The following NECTIN3 variants were observed in gnomAD, a reference collection of about 807,000 sequenced individuals.
NECTIN3 encodes the protein nectin cell adhesion molecule 3, also known as nectin-3.
A neutral mutation model predicts 49.4 loss-of-function variants in NECTIN3; 8 were observed. That is an observed-to-expected ratio of 0.16 (90% CI 0.10 to 0.29). NECTIN3 has a LOEUF of 0.29. Among genes scored for constraint, NECTIN3 ranks in the 10% least tolerant of loss-of-function variants. The pLI, the probability that NECTIN3 is intolerant of heterozygous loss-of-function variation, is 1.00. For synonymous variants in NECTIN3, 277 were observed against 241.1 expected, an observed-to-expected ratio of 1.15 and a Z score of -1.38; for missense variants, 581 against 654.6, an observed-to-expected ratio of 0.89 and a Z score of 1.23.
chr3:111,084,986 G>T (rs941338604), intron 1 of NECTIN3, among the ~76,000 whole-genome samples: 15 of 152,166 alleles, frequency 9.9e-5, no homozygotes, highest in Admixed American at 3.9e-4. Flanking sequence ...ACTCTGGATA[G>T]AATCCTTCCT....
At position 111,098,300 on chromosome 3, in the gene NECTIN3, A is replaced by G. The variant is rs142663350; in HGVS notation, c.161-13730A>G. Among the ~76,000 whole-genome samples the G allele has an allele frequency of 2.0e-3, 308 of 152,322 alleles. 1 individual carries two copies. The highest frequency in any genetic ancestry group is 7.1e-3 in the African/African-American group (297 of 41,570). On this transcript the variant is annotated intron_variant, in intron 1 of 5. Transcript: ENST00000485303. Reference sequence around the variant, plus strand: ...CTTATATTAGTTTCCTAGGGCTTCTATAACACATTATCATAAACTAGTGAC... The same window carrying G: ...CTTATATTAGTTTCCTAGGGCTTCTGTAACACATTATCATAAACTAGTGAC...
Position 111,072,155 on chromosome 3 carries a change from G to T in NECTIN3, c.138G>T (p.Leu46=). 6.4e-7 allele frequency: 1 copy of T among 1,553,760 alleles called. No homozygotes were observed. Residue 46 remains leucine, a synonymous_variant, in exon 1 of 6, where the codon CTG becomes CTT. Transcript: ENST00000485303. ...PPPLLLLLFP[L]LLFSRLCGAL... ...CGCTGCTGCTGCTGCTCTTCCCGCT[G>T]CTGCTCTTCTCCAGGCTCTGTGGTA...
intron 7 of NECTIN3, among the ~76,000 whole-genome samples, chr3:111,172,381 T>C (rs542202004): frequency 6.6e-5 from 10 of 152,274 alleles, no homozygotes; most frequent in African/African-American, 2.2e-4. Context: ...GTTTAGATCT[T>C]GGATGAGGAA....
intron 1 of NECTIN3, among the ~76,000 whole-genome samples, chr3:111,104,822 T>C (rs907354848): frequency 6.6e-6 from 1 of 152,194 alleles, no homozygotes; most frequent in Non-Finnish European, 1.5e-5. Flanking sequence ...TAATGACATA[T>C]GTAAGAAATA....
At chr3:111,164,078 G>C (rs895334143) in intron 7 of NECTIN3, among the ~76,000 whole-genome samples, 1 of 151,758 alleles carries the variant, frequency 6.6e-6, no homozygotes, top group Non-Finnish European at 1.5e-5. Flanking sequence ...CGAAGTATTT[G>C]TATTTCATAA....
At chr3:111,119,059 AT>A in intron 3 of NECTIN3, 107 bp downstream of exon 3, 1 of 1,065,404 alleles carries the variant, frequency 9.4e-7, no homozygotes, top group Non-Finnish European at 1.3e-6. Context: ...TTTTCTTTTA[AT>A]TTTGTTTGTT....
intron 7 of NECTIN3, among the ~76,000 whole-genome samples, chr3:111,178,856 A>G (rs987738989): frequency 2.0e-5 from 3 of 152,210 alleles, no homozygotes; most frequent in Non-Finnish European, 2.9e-5. Context: ...TTAGCTCTAC[A>G]TACTTGGAAC....
At chr3:111,166,329 C>A (rs1402618289) in intron 7 of NECTIN3, among the ~76,000 whole-genome samples, 1 of 151,928 alleles carries the variant, frequency 6.6e-6, no homozygotes, top group Non-Finnish European at 1.5e-5. Flanking sequence ...AAGAGGGGAA[C>A]AACATACCAG....
At chr3:111,091,158 A>G (rs1327172535) in intron 1 of NECTIN3, among the ~76,000 whole-genome samples, 1 of 152,198 alleles carries the variant, frequency 6.6e-6, no homozygotes, top group African/African-American at 2.4e-5. Context: ...CTAACACTAT[A>G]CAACACTAAT....
chr3:111,136,284 T>G lies in NECTIN3; in HGVS notation c.*2069T>G, dbSNP rs1258271930. The G allele has an allele frequency of 1.7e-5, 17 of 971,566 alleles. No individual in the cohort carries two copies. Among genetic ancestry groups the G allele is most frequent in the Non-Finnish European group, 2.1e-5 (17 of 817,562 alleles). The allele number at this position is 971,566 out of a possible 1,614,324, so 60.2% of individuals were successfully genotyped here. A position where few individuals can be genotyped will look rare whatever the true frequency, so the allele number is the denominator to read the frequency against. ...GAAATTAGCAGTGTATTTTAAGAAA[T>G]ATATTTCAAAAATATAAATACTGAT... is the stretch of plus-strand genomic sequence containing the variant. On this transcript the variant is annotated 3_prime_UTR_variant, in exon 6 of 6. Transcript: ENST00000485303.
chr3:111,167,798 C>T lies in NECTIN3; in HGVS notation c.1221+20314C>T, dbSNP rs548165751. On this transcript the variant is annotated intron_variant, in intron 7 of 8. Transcript: ENST00000493615. ...CAGAGAGGCCACAGACATCAGTGTACGTAACTTGTCATTGGGAAAAATCCC... is the reference window on the plus strand; with the variant it reads ...CAGAGAGGCCACAGACATCAGTGTATGTAACTTGTCATTGGGAAAAATCCC... Among the ~76,000 whole-genome samples, 5 of 152,174 alleles carry T rather than the reference C, an allele frequency of 3.3e-5. No individual in the cohort carries two copies. In the East Asian group the frequency reaches 5.8e-4, roughly 18 times the overall value.
chr3:111,164,642 T>C (rs1270033708), intron 7 of NECTIN3, among the ~76,000 whole-genome samples: 2 of 152,230 alleles, frequency 1.3e-5, no homozygotes, highest in Non-Finnish European at 1.5e-5. Flanking sequence ...CTTCCGTTGG[T>C]TGCTGGGAAT....
At chr3:111,126,408 A>G (rs937260976) in intron 5 of NECTIN3, 73 bp downstream of exon 5, 1 of 1,278,966 alleles carries the variant, frequency 7.8e-7, no homozygotes, top group Admixed American at 2.3e-5. Context: ...ATATGATCCT[A>G]AGCAATAATT....
intron 1 of NECTIN3, among the ~76,000 whole-genome samples, chr3:111,083,550 G>T (rs1275022463): frequency 6.6e-6 from 1 of 152,192 alleles, no homozygotes; most frequent in East Asian, 1.9e-4. Flanking sequence ...ACCTGATAAT[G>T]CTGGCACCCT....
intron 7 of NECTIN3, among the ~76,000 whole-genome samples, chr3:111,181,857 G>C (rs576189837): frequency 6.6e-6 from 1 of 151,802 alleles, no homozygotes; most frequent in African/African-American, 2.4e-5. Flanking sequence ...TTGTGTGTTT[G>C]TTTTGCTTGT....
chr3:111,167,389 T>G (rs535000900), intron 7 of NECTIN3, among the ~76,000 whole-genome samples: 3 of 152,314 alleles, frequency 2.0e-5, no homozygotes, highest in African/African-American at 7.2e-5. Flanking sequence ...ACATGCAATT[T>G]ATTCTAATAT....
At chr3:111,120,025 A>G (rs1005165951) in intron 3 of NECTIN3, among the ~76,000 whole-genome samples, 7 of 152,202 alleles carry the variant, frequency 4.6e-5, no homozygotes, top group African/African-American at 9.6e-5. Flanking sequence ...AAAAAATGTT[A>G]CTACCATTGC....
At chr3:111,139,893 C>T (rs2034697444), downstream of NECTIN3, among the ~76,000 whole-genome samples, 1 of 151,786 alleles carries the variant, frequency 6.6e-6, no homozygotes. Flanking sequence ...TTAATTTTTT[C>T]TCACTAAAAC....
chr3:111,175,704 C>CA (rs1036563601), intron 7 of NECTIN3, among the ~76,000 whole-genome samples: 2 of 152,066 alleles, frequency 1.3e-5, no homozygotes, highest in Non-Finnish European at 2.9e-5. Flanking sequence ...TGACATTTCT[C>CA]ACTGTGTTTT....
Sources: gnomAD v4.1 joint callset for allele counts (sites outside exome capture counted in the v4.1 genomes callset) on GRCh38, gnomAD v4.1.1 for gene constraint, MANE v1.5 for transcripts, NCBI Gene and HGNC (gene_info 2026-07-23, HGNC 2026-07-21) for gene names.